HMGB4: variants seen among roughly 807,000 people sequenced by gnomAD.
HMGB4 encodes high mobility group box 4, also known as high mobility group protein B4.
For synonymous variants in HMGB4, 82 were observed against 84.9 expected, an observed-to-expected ratio of 0.97 and a Z score of 0.19; for missense variants, 217 against 220.4, an observed-to-expected ratio of 0.98 and a Z score of 0.10.
At chr1:33,863,923 G>T (rs1639747888), upstream of HMGB4, 2 of 377,980 alleles carry the variant, frequency 5.3e-6, no homozygotes, top group African/African-American at 2.1e-5. Context: ...GGCAAACATT[G>T]ACCCTCAAGT....
Position 33,864,752 on chromosome 1 carries a change from ATGG to A in HMGB4, c.*1_*3del. ...GAGGGAAAAGAGTCAGGCAGAGCTGATGGATCCAGTTTGAAAAAACAAAATGCC... is the reference window on the plus strand; with the variant it reads ...GAGGGAAAAGAGTCAGGCAGAGCTGAATCCAGTTTGAAAAAACAAAATGCC... On this transcript the variant is annotated 3_prime_UTR_variant, in exon 1 of 1. Transcript: ENST00000681531. 1 of 1,598,496 alleles carries A rather than the reference ATGG, an allele frequency of 6.3e-7. No individual in the cohort carries two copies. The highest frequency in any genetic ancestry group is 1.1e-5 in the South Asian group (1 of 88,606).
upstream of HMGB4, chr1:33,863,739 CTGAAAATCGTATAG>C (rs1639726158): frequency 6.3e-6 from 1 of 157,940 alleles, no homozygotes; most frequent in Admixed American, 6.2e-5. Context: ...ATGAGGCATC[CTGAAAATCGTATAG>C]TGAGGAAGGC....
rs775295020 is a variant in HMGB4 at position 33,864,591 on chromosome 1, G to A, written c.400G>A (p.Ala134Thr). The A allele has an allele frequency of 1.9e-6, 3 of 1,614,044 alleles. No homozygotes were observed. The highest frequency in any genetic ancestry group is 2.7e-5 in the African/African-American group (2 of 75,038). Residue 134 changes from alanine to threonine, a missense_variant, in exon 1 of 1, where the codon GCG becomes ACG. Coordinates refer to ENST00000681531, the MANE Select transcript of HMGB4 (RefSeq NM_001379301.1). ...AKATGKMWST[A>T]TDLEKHPYEQ... ...GGCCACAGGGAAGATGTGGTCAACA[G>A]CGACAGACCTGGAGAAGCACCCTTA... is the stretch of plus-strand genomic sequence containing the variant.
chr1:33,864,352 A>T lies in HMGB4; in HGVS notation c.161A>T (p.Lys54Met). Residue 54 changes from lysine to methionine, a missense_variant, in exon 1 of 1, where the codon AAG becomes ATG. By Grantham distance (95) the Lys-to-Met change is moderately conservative (BLOSUM62 -1). Coordinates refer to ENST00000681531, the MANE Select transcript of HMGB4 (RefSeq NM_001379301.1). ...KCSEKWRSIS[K>M]HEKAKYEALA... ...TCGGAAAAATGGAGATCCATCTCAAAGCATGAAAAGGCCAAATATGAAGCC... is the reference window on the plus strand; with the variant it reads ...TCGGAAAAATGGAGATCCATCTCAATGCATGAAAAGGCCAAATATGAAGCC... 6.2e-7 allele frequency: 1 copy of T among 1,613,910 alleles called. No homozygotes were observed. The highest frequency in any genetic ancestry group is 1.1e-5 in the South Asian group (1 of 91,084).
upstream of HMGB4, chr1:33,861,328 C>T (rs1237365408): frequency 5.9e-5 from 9 of 152,188 alleles, no homozygotes; most frequent in Non-Finnish European, 1.2e-4. Flanking sequence ...TAGCCACACT[C>T]ATTGGTTTAG....
At position 33,864,509 on chromosome 1, in the gene HMGB4, C is replaced by T. The variant is rs1339652969; in HGVS notation, c.318C>T (p.Asp106=). 6.2e-7 allele frequency: 1 copy of T among 1,614,122 alleles called. No individual in the cohort carries two copies. ...PPSSFLLFCQ[D]HYAQLKRENP... ...CATCCTTCCTACTCTTCTGCCAAGA[C>T]CACTATGCTCAGCTGAAGAGGGAGA... The change falls in exon 1 of 1, where the codon GAC becomes GAT. Residue 106 remains aspartate, a synonymous_variant. Transcript: ENST00000681531.
chr1:33,862,923 G>A (rs1570311236), upstream of HMGB4: 1 of 152,150 alleles, frequency 6.6e-6, no homozygotes, highest in South Asian at 2.1e-4. Flanking sequence ...TCAAAATATG[G>A]TCTAGTCTTA....
chr1:33,861,158 G>A (rs1349410892), upstream of HMGB4: 1 of 152,176 alleles, frequency 6.6e-6, no homozygotes, highest in Admixed American at 6.5e-5. Context: ...TATTAAGTAT[G>A]TATGTATGTA....
At chr1:33,862,560 CA>C (rs2125117953), upstream of HMGB4, 1 of 152,246 alleles carries the variant, frequency 6.6e-6, no homozygotes, top group Admixed American at 6.5e-5. Context: ...GAGAAAGAGC[CA>C]GGGGGAAAAA....
chr1:33,862,561 AG>A (rs1023318402), upstream of HMGB4: 7 of 152,310 alleles, frequency 4.6e-5, no homozygotes, highest in East Asian at 1.2e-3. Flanking sequence ...AGAAAGAGCC[AG>A]GGGGAAAAAG....
At position 33,864,709 on chromosome 1, in the gene HMGB4, C is replaced by T. The variant is rs1464150272; in HGVS notation, c.518C>T (p.Ser173Leu). The T allele has an allele frequency of 1.9e-6, 3 of 1,613,148 alleles. No individual in the cohort carries two copies. Among genetic ancestry groups the T allele is most frequent in the East Asian group, 4.5e-5 (2 of 44,758 alleles). The change falls in exon 1 of 1, where the codon TCA becomes TTA. Residue 173 changes from serine to leucine, a missense_variant. Transcript: ENST00000681531. The stretch of plus-strand genomic sequence containing the variant: ...AATGCCAGGAAGAAGTACCGAATGT[C>T]AGCTAGAAACCGGTGCAGAGGGAAA... Reference protein sequence around the residue: ...QCNARKKYRMSARNRCRGKRV... With the variant: ...QCNARKKYRMLARNRCRGKRV...
upstream of HMGB4, among the ~76,000 whole-genome samples, chr1:33,862,709 G>A (rs541691932): frequency 4.6e-5 from 7 of 152,246 alleles, no homozygotes; most frequent in Non-Finnish European, 8.8e-5. Context: ...GTCCCCTGGA[G>A]GGGCTTCCCT....
In HMGB4 at chr1:33,864,476, G is replaced by T; in HGVS notation, c.285G>T (p.Arg95=). 1 of 1,614,080 alleles carries T rather than the reference G, an allele frequency of 6.2e-7. No individual in the cohort carries two copies. Among genetic ancestry groups the T allele is most frequent in the Non-Finnish European group, 8.5e-7 (1 of 1,180,026 alleles). ...RRKRDPQEPR[R]PPSSFLLFCQ... The stretch of plus-strand genomic sequence containing the variant: ...AGCGGGATCCCCAGGAACCCAGACG[G>T]CCTCCATCATCCTTCCTACTCTTCT... The change falls in exon 1 of 1, where the codon CGG becomes CGT. Residue 95 remains arginine (R), a synonymous_variant. Coordinates refer to ENST00000681531, the MANE Select transcript of HMGB4 (RefSeq NM_001379301.1).
upstream of HMGB4, chr1:33,860,635 AT>A (rs1484841662): frequency 1.3e-5 from 2 of 152,166 alleles, no homozygotes; most frequent in Non-Finnish European, 2.9e-5. Flanking sequence ...TCATGGCTTT[AT>A]TATCACCTCA....
upstream of HMGB4, among the ~76,000 whole-genome samples, chr1:33,861,597 T>C (rs1017509500): frequency 6.6e-6 from 1 of 152,224 alleles, no homozygotes; most frequent in African/African-American, 2.4e-5. Flanking sequence ...CTCATTACTC[T>C]TCTCTATTAA....
rs750104277 is a variant in HMGB4 at position 33,864,690 on chromosome 1, A to T, written c.499A>T (p.Arg167Trp). ...LELYRKQCNA[R>W]KKYRMSARNR... ...ACTCTACCGTAAACAATGTAATGCC[A>T]GGAAGAAGTACCGAATGTCAGCTAG... Residue 167 changes from arginine to tryptophan, a missense_variant, in exon 1 of 1, where the codon AGG (arginine) becomes TGG (tryptophan). Physicochemically the swap from Arg to Trp is moderately radical, Grantham distance 101. Transcript: ENST00000681531. 12 of 1,613,612 alleles carry T rather than the reference A, an allele frequency of 7.4e-6. No individual in the cohort carries two copies. The highest frequency in any genetic ancestry group is 8.5e-6 in the Non-Finnish European group (10 of 1,179,952).
chr1:33,860,813 C>T (rs927813697), upstream of HMGB4: 9 of 152,208 alleles, frequency 5.9e-5, no homozygotes, highest in East Asian at 1.9e-4. Flanking sequence ...GTCTCCGAGG[C>T]GGAAGCTCCC....
At position 33,864,465 on chromosome 1, in the gene HMGB4, G is replaced by C. The variant is rs865789480; in HGVS notation, c.274G>C (p.Glu92Gln). The change falls in exon 1 of 1, where the codon GAA becomes CAA. Residue 92 changes from glutamate to glutamine, a missense_variant. Physicochemically the swap from Glu to Gln is conservative, Grantham distance 29. Coordinates refer to ENST00000681531, the MANE Select transcript of HMGB4 (RefSeq NM_001379301.1). ...GAAACGGAGAAAGCGGGATCCCCAG[G>C]AACCCAGACGGCCTCCATCATCCTT... is the stretch of plus-strand genomic sequence containing the variant. Reference protein sequence around the residue: ...RKKRRKRDPQEPRRPPSSFLL... With the variant: ...RKKRRKRDPQQPRRPPSSFLL... The C allele has an allele frequency of 1.2e-6, 2 of 1,613,810 alleles. No individual in the cohort carries two copies. Among genetic ancestry groups the C allele is most frequent in the Non-Finnish European group, 8.5e-7 (1 of 1,179,742 alleles).
upstream of HMGB4, chr1:33,863,530 A>C (rs1639708492): frequency 6.6e-6 from 1 of 152,200 alleles, no homozygotes; most frequent in African/African-American, 2.4e-5. Flanking sequence ...TCAGGTTTTA[A>C]ATTAGACAAC....
Sources: gnomAD v4.1 joint callset for allele counts (sites outside exome capture counted in the v4.1 genomes callset) on GRCh38, gnomAD v4.1.1 for gene constraint, MANE v1.5 for transcripts, NCBI Gene and HGNC (gene_info 2026-07-23, HGNC 2026-07-21) for gene names.